Variants in PRR11 observed in about 807,000 individuals in gnomAD.
PRR11 encodes the protein proline-rich protein 11.
In PRR11, 30 loss-of-function variants were observed where a neutral mutation model predicts 45.6. The ratio of observed to expected loss-of-function variants is 0.66; its 90% confidence interval spans 0.49 to 0.89. PRR11 has a LOEUF of 0.89. Ranked by LOEUF, PRR11 falls within the 40% of genes least tolerant of loss-of-function variation. PRR11 has a pLI of 0.00. For synonymous variants in PRR11, 128 were observed against 153.5 expected (o/e 0.83, Z 1.23); for missense variants, 373 against 424.8 (o/e 0.88, Z 1.07).
rs1270159025 is a variant in PRR11 at position 59,180,668 on chromosome 17, G to A, written c.129-4386G>A. Among the ~76,000 whole-genome samples, 8 of 150,954 alleles carry A rather than the reference G, an allele frequency of 5.3e-5. 2 individuals are homozygous for A. Among genetic ancestry groups the A allele is most frequent in the African/African-American group, 2.0e-4 (8 of 40,686 alleles). ...ATACAGGCGTGCGCCACCACACCCG[G>A]CTAAGTTTTGTATTTTTAGTATTGA... On this transcript the variant is annotated intron_variant, in intron 2 of 9. Transcript: ENST00000262293.
intron 4 of PRR11, among the ~76,000 whole-genome samples, chr17:59,192,953 T>G (rs1850399346): frequency 6.6e-6 from 1 of 152,228 alleles, no homozygotes; most frequent in African/African-American, 2.4e-5. Context: ...CTTATCTCCC[T>G]TCGTCTGCTA....
chr17:59,170,145 G>A (rs138003170), intron 2 of PRR11, among the ~76,000 whole-genome samples: 59 of 151,912 alleles, frequency 3.9e-4, no homozygotes, highest in Middle Eastern at 6.8e-3. Context: ...CCAGCTTCTC[G>A]GGAGACTTAG....
Position 59,181,538 on chromosome 17 carries a change from G to C in PRR11, c.129-3516G>C, listed in dbSNP as rs2046786555. The C allele has an allele frequency of 3.4e-6, 4 of 1,192,772 alleles. No homozygotes were observed. The South Asian group carries it at 4.8e-5, about 14-fold the overall frequency. The allele number at this position is 1,192,772 out of a possible 1,614,324, so 73.9% of individuals were successfully genotyped here. On this transcript the variant is annotated intron_variant, in intron 2 of 9. Transcript: ENST00000262293. Reference sequence around the variant, plus strand: ...AGCAGCCTGTTGAAGTCCTCATGGTGCTCAGGGAGCACGAATGACACTAGC... The same window carrying C: ...AGCAGCCTGTTGAAGTCCTCATGGTCCTCAGGGAGCACGAATGACACTAGC...
rs2046916650 is a variant in PRR11, at chr17:59,206,020, C to T, written c.*4389C>T. Among the ~76,000 whole-genome samples, 1 of 151,304 alleles carries T rather than the reference C, an allele frequency of 6.6e-6. No homozygotes were observed. Reference sequence around the variant, plus strand: ...GAGCTGAGATCACACTACTGCACTACAGTCTGGGCAACAGAGTGAGACCTT... The same window carrying T: ...GAGCTGAGATCACACTACTGCACTATAGTCTGGGCAACAGAGTGAGACCTT... On this transcript the variant is annotated 3_prime_UTR_variant, in exon 10 of 10. Transcript: ENST00000262293.
At chr17:59,168,846 G>A (rs1343269065) in intron 1 of PRR11, among the ~76,000 whole-genome samples, 2 of 152,120 alleles carry the variant, frequency 1.3e-5, no homozygotes, top group African/African-American at 4.8e-5. Context: ...TTACTGCATT[G>A]CATTGACAGA....
intron 1 of PRR11, among the ~76,000 whole-genome samples, chr17:59,164,188 G>T (rs2046667813): frequency 1.3e-5 from 2 of 152,170 alleles, no homozygotes; most frequent in African/African-American, 4.8e-5. Context: ...ACCCTGGCAG[G>T]GTTGAGCAGT....
At chr17:59,165,583 G>A (rs2046675784) in intron 1 of PRR11, among the ~76,000 whole-genome samples, 2 of 151,784 alleles carry the variant, frequency 1.3e-5, no homozygotes, top group African/African-American at 2.4e-5. Context: ...ACTTGAGGTC[G>A]GGAGTTCCAG....
At chr17:59,189,096 C>A (rs953087172) in intron 4 of PRR11, among the ~76,000 whole-genome samples, 1 of 151,014 alleles carries the variant, frequency 6.6e-6, no homozygotes, top group Admixed American at 6.6e-5. Flanking sequence ...GTCAGGAGTT[C>A]GAGACCATCC....
chr17:59,200,097 A>G (rs559859759), intron 9 of PRR11, among the ~76,000 whole-genome samples: 129 of 152,356 alleles, frequency 8.5e-4, no homozygotes, highest in Non-Finnish European at 1.7e-3. Flanking sequence ...TTGAACAACA[A>G]CAAAAATCAC....
At chr17:59,169,073 TGCTG>T (rs1396197662) in intron 1 of PRR11, among the ~76,000 whole-genome samples, 1 of 151,568 alleles carries the variant, frequency 6.6e-6, no homozygotes, top group Non-Finnish European at 1.5e-5. Context: ...CAGTAGATGC[TGCTG>T]GTAAAGAAAC....
At chr17:59,176,579 G>A (rs1349153628) in intron 2 of PRR11, among the ~76,000 whole-genome samples, 2 of 151,672 alleles carry the variant, frequency 1.3e-5, no homozygotes, top group Admixed American at 6.6e-5. Flanking sequence ...GGGAAGCATC[G>A]TGTCCGCTCC....
At chr17:59,194,722 C>G in intron 5 of PRR11, 35 bp from the exon 6 acceptor site, 1 of 1,532,868 alleles carries the variant, frequency 6.5e-7, no homozygotes, top group Non-Finnish European at 9.0e-7. Context: ...TGTGCTGGTT[C>G]CAATTTGAAT....
rs551842288 is a variant in PRR11 at position 59,176,316 on chromosome 17, A to C, written c.128+6436A>C. ...CCTGGCCTCAATTTAGAAAGACATC[A>C]GCTAAGGAAGTTGTTCAGGTGGGCA... is the stretch of plus-strand genomic sequence containing the variant. On this transcript the variant is annotated intron_variant, in intron 2 of 9. Coordinates refer to ENST00000262293, the MANE Select transcript of PRR11 (RefSeq NM_018304.4). 3.9e-4 allele frequency among the ~76,000 whole-genome samples: 60 copies of C among 152,298 alleles called. 2 individuals carry two copies. In the South Asian group the frequency reaches 0.012, roughly 31 times the overall value.
At chr17:59,160,427 C>A (rs1370790647) in intron 1 of PRR11, among the ~76,000 whole-genome samples, 1 of 151,998 alleles carries the variant, frequency 6.6e-6, no homozygotes. Context: ...TTAGACTGAA[C>A]CTCATTCCAA....
intron 9 of PRR11, 109 bp downstream of exon 9, chr17:59,197,898 T>C (rs2046874568): frequency 2.1e-6 from 2 of 934,720 alleles, no homozygotes; most frequent in African/African-American, 1.7e-5. Flanking sequence ...GGTGGGGAGA[T>C]TGCTTGAGCC....
At chr17:59,194,267 TCACACACACACACACA>T (rs57853873) in intron 5 of PRR11, among the ~76,000 whole-genome samples, 2,356 of 141,162 alleles carry the variant, frequency 0.017, 72 homozygotes, top group African/African-American at 0.056. Flanking sequence ...TTCCCAATCC[TCACACACACACACACA>T]CACACACACA....
chr17:59,179,779 C>G, intron 2 of PRR11: 1 of 1,371,534 alleles, frequency 7.3e-7, no homozygotes, highest in East Asian at 2.4e-5. Flanking sequence ...CGAGCTCCTT[C>G]TCTGGCTCCT....
At chr17:59,199,826 C>T (rs1018091127) in intron 9 of PRR11, among the ~76,000 whole-genome samples, 3 of 152,188 alleles carry the variant, frequency 2.0e-5, no homozygotes, top group African/African-American at 7.2e-5. Context: ...CTACTGGGCA[C>T]TATACAGCTT....
intron 2 of PRR11, among the ~76,000 whole-genome samples, chr17:59,184,225 G>A (rs1031739597): frequency 6.6e-6 from 1 of 152,182 alleles, no homozygotes; most frequent in Non-Finnish European, 1.5e-5. Flanking sequence ...ACTTTGGGAG[G>A]CCAAAGGAAG....
Sources: gnomAD v4.1 joint callset for allele counts (sites outside exome capture counted in the v4.1 genomes callset) on GRCh38, gnomAD v4.1.1 for gene constraint, MANE v1.5 for transcripts, NCBI Gene and HGNC (gene_info 2026-07-23, HGNC 2026-07-21) for gene names.